RLN2: variants seen among roughly 807,000 people sequenced by gnomAD.
The protein encoded by RLN2 is prorelaxin H2.
Under a neutral mutation model 7.3 loss-of-function variants are expected in RLN2, and 10 were observed. That is an observed-to-expected ratio of 1.36 (90% confidence interval 0.84 to 2.31). The LOEUF is 2.31. Among genes scored for constraint, RLN2 ranks in the 30% most tolerant of loss-of-function variants. The pLI is 0.00. For missense variants in RLN2, 298 were observed against 217.6 expected, an observed-to-expected ratio of 1.37 and a Z score of -2.32; for synonymous variants, 103 against 82.3, an observed-to-expected ratio of 1.25 and a Z score of -1.36.
At chr9:5,317,936 G>A in the RLN2 span, among the ~76,000 whole-genome samples, 2 of 151,782 alleles carry the variant, frequency 1.3e-5, no homozygotes, top group African/African-American at 4.8e-5. Context: ...ATGGGGTGGT[G>A]GGAATGCAAA....
the RLN2 span, among the ~76,000 whole-genome samples, chr9:5,313,242 T>C: frequency 6.6e-6 from 1 of 152,086 alleles, no homozygotes; most frequent in African/African-American, 2.4e-5. Flanking sequence ...GTTATGAATA[T>C]ATAGATTCTC....
the RLN2 span, among the ~76,000 whole-genome samples, chr9:5,313,043 G>A: frequency 9.9e-5 from 15 of 152,118 alleles, no homozygotes; most frequent in East Asian, 2.3e-3. Context: ...TGAAAAGAAT[G>A]TGTATTCTGC....
At chr9:5,332,913 G>A in the RLN2 span, among the ~76,000 whole-genome samples, 8 of 151,860 alleles carry the variant, frequency 5.3e-5, no homozygotes, top group Non-Finnish European at 7.4e-5. Flanking sequence ...CACCGCGCCC[G>A]GCCATGATTC....
chr9:5,311,224 C>A, the RLN2 span, among the ~76,000 whole-genome samples: 1 of 151,510 alleles, frequency 6.6e-6, no homozygotes, highest in Non-Finnish European at 1.5e-5. Flanking sequence ...AGGTCAAAAC[C>A]AAGATATTTT....
chr9:5,334,154 T>G, the RLN2 span, among the ~76,000 whole-genome samples: 4 of 151,998 alleles, frequency 2.6e-5, no homozygotes, highest in Admixed American at 2.6e-4. Flanking sequence ...AACATAGTGT[T>G]GGAAGTTCTA....
the RLN2 span, among the ~76,000 whole-genome samples, chr9:5,327,754 G>A: frequency 3.0e-4 from 45 of 152,120 alleles, no homozygotes; most frequent in East Asian, 5.6e-3. Flanking sequence ...CTCCACTGGT[G>A]ATACCCAGGC....
At chr9:5,307,376 A>G (rs1273051465), upstream of RLN2, among the ~76,000 whole-genome samples, 1 of 151,968 alleles carries the variant, frequency 6.6e-6, no homozygotes, top group African/African-American at 2.4e-5. Flanking sequence ...AAATAAACTT[A>G]CAGTCATCAG....
At chr9:5,313,111 G>C in the RLN2 span, among the ~76,000 whole-genome samples, 1 of 151,926 alleles carries the variant, frequency 6.6e-6, no homozygotes, top group South Asian at 2.1e-4. Context: ...CCAAAGTGTA[G>C]TTCAAGTCCA....
the RLN2 span, among the ~76,000 whole-genome samples, chr9:5,328,679 C>G: frequency 2.0e-5 from 3 of 152,092 alleles, no homozygotes; most frequent in African/African-American, 7.2e-5. Flanking sequence ...AGGTTACCAA[C>G]AAAGGGAAGC....
Position 5,304,407 on chromosome 9 carries a change from G to A in RLN2, c.174C>T (p.Ser58=), listed in dbSNP as rs113283113. The part of the protein sequence containing the change: ...GMSTWSKRSL[S]QEDAPQTPRP... The stretch of plus-strand genomic sequence containing the variant: ...TAGGTGTCTGAGGAGCATCTTCCTG[G>A]CTCAGAGACCTTTTGCTCCAGGTGC... The change falls in exon 1 of 2, where the codon AGC becomes AGT. Residue 58 remains serine, a synonymous_variant. Transcript: ENST00000381627. The A allele has an allele frequency of 6.2e-7, 1 of 1,609,044 alleles. No homozygotes were observed. Among genetic ancestry groups the A allele is most frequent in the Non-Finnish European group, 8.5e-7 (1 of 1,178,434 alleles).
chr9:5,318,693 C>T, the RLN2 span, among the ~76,000 whole-genome samples: 3 of 151,706 alleles, frequency 2.0e-5, no homozygotes, highest in Non-Finnish European at 4.4e-5. Context: ...TCATTTTCAA[C>T]CTTTTGGATT....
the RLN2 span, chr9:5,335,417 T>A: frequency 6.2e-7 from 1 of 1,613,770 alleles, no homozygotes; most frequent in Non-Finnish European, 8.5e-7. Flanking sequence ...GCGAATAAGT[T>A]TCTTAAATTC....
At chr9:5,336,680 A>G in the RLN2 span, among the ~76,000 whole-genome samples, 1 of 152,122 alleles carries the variant, frequency 6.6e-6, no homozygotes, top group East Asian at 1.9e-4. Flanking sequence ...ATAAACACTG[A>G]CAATGTTTAA....
chr9:5,310,140 G>A, the RLN2 span, among the ~76,000 whole-genome samples: 7 of 151,960 alleles, frequency 4.6e-5, no homozygotes, highest in African/African-American at 1.7e-4. Flanking sequence ...TAAGGTCTAA[G>A]GAAGCAGGGT....
chr9:5,333,288 A>G, the RLN2 span, among the ~76,000 whole-genome samples: 1 of 151,928 alleles, frequency 6.6e-6, no homozygotes, highest in Admixed American at 6.6e-5. Flanking sequence ...AACACTGATA[A>G]AGAAGAAAAA....
the RLN2 span, among the ~76,000 whole-genome samples, chr9:5,325,423 T>G: frequency 6.6e-6 from 1 of 152,088 alleles, no homozygotes; most frequent in African/African-American, 2.4e-5. Context: ...ACTATTTTGT[T>G]TTGCATGGCA....
At chr9:5,305,538 G>T (rs1480980265), upstream of RLN2, among the ~76,000 whole-genome samples, 1 of 151,518 alleles carries the variant, frequency 6.6e-6, no homozygotes. Flanking sequence ...GCTGCACCTG[G>T]TAAGAGGTGA....
the RLN2 span, among the ~76,000 whole-genome samples, chr9:5,328,587 G>A: frequency 6.6e-6 from 1 of 151,848 alleles, no homozygotes; most frequent in African/African-American, 2.4e-5. Flanking sequence ...CTCGAGAAGA[G>A]CAACCCCAAG....
chr9:5,334,401 G>A, the RLN2 span, among the ~76,000 whole-genome samples: 9 of 151,950 alleles, frequency 5.9e-5, no homozygotes, highest in Non-Finnish European at 1.2e-4. Flanking sequence ...TATAAATGCT[G>A]GGTAAAATGC....
Sources: gnomAD v4.1 joint callset for allele counts (sites outside exome capture counted in the v4.1 genomes callset) on GRCh38, gnomAD v4.1.1 for gene constraint, MANE v1.5 for transcripts, NCBI Gene and HGNC (gene_info 2026-07-23, HGNC 2026-07-21) for gene names.